Variants in GLRA3 observed in about 807,000 individuals in gnomAD.
The protein encoded by GLRA3 is glycine receptor subunit alpha-3.
In GLRA3, 44 loss-of-function variants were observed where a neutral mutation model predicts 60.4. That is an observed-to-expected ratio of 0.73 (90% CI 0.57 to 0.94). The LOEUF (loss-of-function observed/expected upper bound fraction) is 0.94. GLRA3 is among the 40% of genes least tolerant of loss of function. The pLI is 0.00. For missense variants in GLRA3, 508 were observed against 564.6 expected, an observed-to-expected ratio of 0.90 and a Z score of 1.02; for synonymous variants, 223 against 192.9, an observed-to-expected ratio of 1.16 and a Z score of -1.29.
Position 174,798,715 on chromosome 4 carries a change from T to G in GLRA3, c.72-9772A>C, listed in dbSNP as rs529403294. Reference sequence around the variant, plus strand: ...CAAGGCGGGCGGATCACGAGGTCAGTAGACGGAGACCATCCTGGCTAACAC... The same window carrying G: ...CAAGGCGGGCGGATCACGAGGTCAGGAGACGGAGACCATCCTGGCTAACAC... On this transcript the variant is annotated intron_variant, in intron 1 of 9. Coordinates refer to ENST00000274093, the MANE Select transcript of GLRA3 (RefSeq NM_006529.4). Among the ~76,000 whole-genome samples the G allele has an allele frequency of 2.5e-3, 376 of 152,178 alleles. 1 individual carries two copies. Among genetic ancestry groups the G allele is most frequent in the South Asian group, 9.1e-3 (44 of 4,826 alleles).
At chr4:174,759,031 A>G (rs548397515) in intron 3 of GLRA3, among the ~76,000 whole-genome samples, 1 of 152,250 alleles carries the variant, frequency 6.6e-6, no homozygotes, top group African/African-American at 2.4e-5. Flanking sequence ...AATTTTGATA[A>G]AGGATATTTA....
At chr4:174,735,503 T>TACATGTTA (rs1242238743) in intron 3 of GLRA3, among the ~76,000 whole-genome samples, 1 of 152,242 alleles carries the variant, frequency 6.6e-6, no homozygotes. Flanking sequence ...TTACACAATT[T>TACATGTTA]ACATGTTAAA....
At chr4:174,711,273 G>GAATAAA (rs1401711724) in intron 5 of GLRA3, among the ~76,000 whole-genome samples, 1 of 151,420 alleles carries the variant, frequency 6.6e-6, no homozygotes, top group East Asian at 1.9e-4. Context: ...ATTTAACAAA[G>GAATAAA]AATAAAAATT....
chr4:174,759,299 T>G (rs1254679792), intron 3 of GLRA3, among the ~76,000 whole-genome samples: 1 of 149,902 alleles, frequency 6.7e-6, no homozygotes, highest in East Asian at 2.0e-4. Context: ...ATCATGTTCT[T>G]ATGTATTGAC....
At chr4:174,692,946 A>AT (rs1320209852) in intron 5 of GLRA3, among the ~76,000 whole-genome samples, 3 of 145,054 alleles carry the variant, frequency 2.1e-5, no homozygotes, top group Non-Finnish European at 3.0e-5. Flanking sequence ...TAAAAAAAAA[A>AT]TAAAAAAAAA....
rs199629927 is a variant in GLRA3 at position 174,677,156 on chromosome 4, C to T, written c.849G>A (p.Pro283=). The change falls in exon 7 of 10, where the codon CCG becomes CCA. Residue 283 remains proline (P), a synonymous_variant. Coordinates refer to ENST00000274093, the MANE Select transcript of GLRA3 (RefSeq NM_006529.4). ...VSFWINMDAA[P]ARVALGITTV... ...TGGTTATCCCCAGAGCTACCCTGGCCGGTGCTGCATCCATGTTGATCCAGA... is the reference window on the plus strand; with the variant it reads ...TGGTTATCCCCAGAGCTACCCTGGCTGGTGCTGCATCCATGTTGATCCAGA... 1.9e-5 allele frequency: 31 copies of T among 1,613,120 alleles called. No individual in the cohort carries two copies. The East Asian group carries it at 2.9e-4, about 15-fold the overall frequency.
intron 1 of GLRA3, among the ~76,000 whole-genome samples, chr4:174,799,100 T>A (rs1317132543): frequency 6.6e-6 from 1 of 152,192 alleles, no homozygotes; most frequent in Non-Finnish European, 1.5e-5. Flanking sequence ...TTAGGAATTT[T>A]AATTTTTCGC....
Position 174,829,005 on chromosome 4 carries a change from C to T in GLRA3, c.-194G>A, listed in dbSNP as rs972144306. On this transcript the variant is annotated 5_prime_UTR_variant, in exon 1 of 10. The change creates a new upstream start codon in the 5' untranslated region. Coordinates refer to ENST00000274093, the MANE Select transcript of GLRA3 (RefSeq NM_006529.4). ...AGCATTGAGCAGAAGTGGAGAGTCACAGTGTTATAAATGTGCAGGTGATTT... is the reference window on the plus strand; with the variant it reads ...AGCATTGAGCAGAAGTGGAGAGTCATAGTGTTATAAATGTGCAGGTGATTT... The T allele has an allele frequency of 3.6e-6, 2 of 561,874 alleles. No individual in the cohort carries two copies. The highest frequency in any genetic ancestry group is 2.3e-5 in the South Asian group (1 of 44,116). 34.8% of individuals were successfully genotyped at this position (561,874 alleles called of 1,614,324 possible). A position where few individuals can be genotyped will look rare whatever the true frequency, so the allele number is the denominator to read the frequency against.
chr4:174,828,408 G>A (rs921126804), intron 1 of GLRA3, among the ~76,000 whole-genome samples: 3 of 152,132 alleles, frequency 2.0e-5, no homozygotes, highest in African/African-American at 7.2e-5. Context: ...CAAAAAAAGA[G>A]TAACACCCAA....
At chr4:174,767,652 G>A (rs1369009432) in intron 2 of GLRA3, among the ~76,000 whole-genome samples, 1 of 152,032 alleles carries the variant, frequency 6.6e-6, no homozygotes, top group Non-Finnish European at 1.5e-5. Context: ...TTAAAGCCTT[G>A]AGCCAATAAA....
chr4:174,812,616 A>G (rs1190976670), intron 1 of GLRA3, among the ~76,000 whole-genome samples: 3 of 152,176 alleles, frequency 2.0e-5, no homozygotes, highest in Non-Finnish European at 4.4e-5. Flanking sequence ...ATATAGCACT[A>G]GGAATGGTGT....
At chr4:174,762,851 G>T (rs1231695832) in intron 3 of GLRA3, among the ~76,000 whole-genome samples, 1 of 151,938 alleles carries the variant, frequency 6.6e-6, no homozygotes, top group Non-Finnish European at 1.5e-5. Flanking sequence ...AACAATTTTG[G>T]TACCCAGAAG....
chr4:174,782,679 C>T (rs1280832716), intron 2 of GLRA3, among the ~76,000 whole-genome samples: 2 of 152,100 alleles, frequency 1.3e-5, no homozygotes, highest in Admixed American at 6.6e-5. Context: ...CAACAACAGA[C>T]AAAAAGAGAG....
At chr4:174,690,854 G>A (rs1734768222) in intron 5 of GLRA3, among the ~76,000 whole-genome samples, 1 of 152,064 alleles carries the variant, frequency 6.6e-6, no homozygotes. Context: ...TCTTTTTTAT[G>A]GCTGCATAGT....
intron 5 of GLRA3, among the ~76,000 whole-genome samples, chr4:174,684,823 C>G (rs1228392542): frequency 6.6e-6 from 1 of 152,142 alleles, no homozygotes; most frequent in Non-Finnish European, 1.5e-5. Flanking sequence ...GCCTGGCCAA[C>G]ATGGTGAAAG....
chr4:174,741,096 C>A (rs147877197), intron 3 of GLRA3, among the ~76,000 whole-genome samples: 161 of 152,170 alleles, frequency 1.1e-3, no homozygotes, highest in African/African-American at 3.7e-3. Context: ...TAAATATCTA[C>A]GAGTGAGATT....
At chr4:174,702,492 C>T (rs922270128) in intron 5 of GLRA3, among the ~76,000 whole-genome samples, 1 of 152,096 alleles carries the variant, frequency 6.6e-6, no homozygotes, top group Non-Finnish European at 1.5e-5. Context: ...AATATATTCC[C>T]TCAGTTTTAA....
intron 5 of GLRA3, among the ~76,000 whole-genome samples, chr4:174,712,023 C>T (rs72706196): frequency 0.013 from 2,029 of 151,994 alleles, 16 homozygotes; most frequent in Non-Finnish European, 0.02. Context: ...TTATCCTTAA[C>T]TCATACTTTT....
At chr4:174,734,606 A>G (rs924987950) in intron 3 of GLRA3, among the ~76,000 whole-genome samples, 28 of 152,218 alleles carry the variant, frequency 1.8e-4, no homozygotes, top group Admixed American at 3.9e-4. Context: ...TAAAATTCCA[A>G]AATTTTTTTA....
Sources: gnomAD v4.1 joint callset for allele counts (sites outside exome capture counted in the v4.1 genomes callset) on GRCh38, gnomAD v4.1.1 for gene constraint, MANE v1.5 for transcripts, NCBI Gene and HGNC (gene_info 2026-07-23, HGNC 2026-07-21) for gene names.